Variants in PLPPR1 observed in about 807,000 individuals in gnomAD.
The protein encoded by PLPPR1 is phospholipid phosphatase-related protein type 1.
A neutral mutation model predicts 33.1 loss-of-function variants in PLPPR1; 10 were observed. The ratio of observed to expected loss-of-function variants is 0.30; its 90% CI spans 0.19 to 0.51. The LOEUF (loss-of-function observed/expected upper bound fraction) is 0.51, where lower values mean the gene tolerates loss of function less well. PLPPR1 is among the 20% of genes least tolerant of loss of function. PLPPR1 has a pLI of 0.97. For synonymous variants in PLPPR1, 151 were observed against 151.0 expected, an observed-to-expected ratio of 1.00 and a Z score of 0.00; for missense variants, 304 against 408.1, an observed-to-expected ratio of 0.74 and a Z score of 2.20.
chr9:101,044,124 G>A (rs904791248), intron 1 of PLPPR1, among the ~76,000 whole-genome samples: 1 of 152,074 alleles, frequency 6.6e-6, no homozygotes, highest in Admixed American at 6.5e-5. Context: ...TCCGTCAAAG[G>A]ACTAATATCC....
At chr9:101,080,140 G>A (rs150448190) in intron 1 of PLPPR1, among the ~76,000 whole-genome samples, 4 of 152,090 alleles carry the variant, frequency 2.6e-5, no homozygotes, top group African/African-American at 9.6e-5. Flanking sequence ...TCTATCTGAT[G>A]ATTCGATTTT....
At chr9:101,123,501 GAA>G (rs1287953226) in intron 1 of PLPPR1, among the ~76,000 whole-genome samples, 1 of 152,130 alleles carries the variant, frequency 6.6e-6, no homozygotes, top group Non-Finnish European at 1.5e-5. Context: ...AAAGGATTGA[GAA>G]AAAGACAGTT....
At chr9:101,224,457 A>T (rs947685879) in intron 2 of PLPPR1, among the ~76,000 whole-genome samples, 10 of 152,212 alleles carry the variant, frequency 6.6e-5, no homozygotes, top group African/African-American at 2.4e-4. Flanking sequence ...GCTGTCATTG[A>T]GTCTTTCACA....
At chr9:101,290,464 T>C (rs953453576) in intron 4 of PLPPR1, among the ~76,000 whole-genome samples, 10 of 152,172 alleles carry the variant, frequency 6.6e-5, no homozygotes, top group Non-Finnish European at 1.5e-4. Context: ...CTGTAAAAGA[T>C]GAAAAAACGT....
intron 2 of PLPPR1, among the ~76,000 whole-genome samples, chr9:101,257,353 A>G (rs1209134475): frequency 6.6e-6 from 1 of 152,190 alleles, no homozygotes; most frequent in African/African-American, 2.4e-5. Flanking sequence ...TGTCCCAAAC[A>G]GTTTCATATC....
intron 1 of PLPPR1, among the ~76,000 whole-genome samples, chr9:101,143,284 C>T (rs1831477215): frequency 6.6e-6 from 1 of 152,166 alleles, no homozygotes; most frequent in African/African-American, 2.4e-5. Context: ...AGACTAGAGG[C>T]TGCCTCTTCA....
intron 4 of PLPPR1, among the ~76,000 whole-genome samples, chr9:101,301,017 A>C (rs77006050): frequency 0.045 from 6,818 of 152,314 alleles, 236 homozygotes; most frequent in Non-Finnish European, 0.067. Context: ...TCCTGTTAAG[A>C]AGCAGAGTAA....
intron 6 of PLPPR1, among the ~76,000 whole-genome samples, chr9:101,315,651 C>G (rs1829037916): frequency 6.6e-6 from 1 of 152,042 alleles, no homozygotes; most frequent in Non-Finnish European, 1.5e-5. Context: ...TACGTAAGAC[C>G]CAGATCTGTG....
At chr9:101,135,794 C>T (rs1042267194) in intron 1 of PLPPR1, among the ~76,000 whole-genome samples, 33 of 152,314 alleles carry the variant, frequency 2.2e-4, no homozygotes, top group Non-Finnish European at 3.5e-4. Context: ...TTTGCTGCTA[C>T]ATTCTTGTAC....
chr9:101,168,349 T>G (rs1186996610), intron 1 of PLPPR1, among the ~76,000 whole-genome samples: 5 of 152,102 alleles, frequency 3.3e-5, no homozygotes, highest in African/African-American at 1.2e-4. Context: ...CAAACTTGCC[T>G]AACCCTAATT....
chr9:101,305,542 G>A (rs768875311), intron 4 of PLPPR1, among the ~76,000 whole-genome samples: 17 of 152,136 alleles, frequency 1.1e-4, no homozygotes, highest in Admixed American at 7.2e-4. Flanking sequence ...AAGGAACATG[G>A]TCCTTCCTTT....
At chr9:101,289,715 C>A (rs1828459079) in intron 4 of PLPPR1, among the ~76,000 whole-genome samples, 1 of 152,228 alleles carries the variant, frequency 6.6e-6, no homozygotes, top group Non-Finnish European at 1.5e-5. Context: ...ACTTGCTCCT[C>A]CTTGCCTTCT....
At chr9:101,222,796 T>A (rs1234359109) in intron 2 of PLPPR1, among the ~76,000 whole-genome samples, 1 of 152,084 alleles carries the variant, frequency 6.6e-6, no homozygotes, top group African/African-American at 2.4e-5. Context: ...AAAAATAGAA[T>A]TTGTGTGAGA....
At position 101,246,079 on chromosome 9, in the gene PLPPR1, T is replaced by TAGATAG. The variant is rs1477884700; in HGVS notation, c.64-23800_64-23799insGATAGA. On this transcript the variant is annotated intron_variant, in intron 2 of 7. Transcript: ENST00000374874. Reference sequence around the variant, plus strand: ...GAATATATATATATATATATATATATATATATATATATATATATATATATA... The same window carrying TAGATAG: ...GAATATATATATATATATATATATATAGATAGATATATATATATATATATATATATA... Among the ~76,000 whole-genome samples, 178 of 103,474 alleles carry TAGATAG rather than the reference T, an allele frequency of 1.7e-3. 2 individuals carry two copies. Among genetic ancestry groups the TAGATAG allele is most frequent in the African/African-American group, 5.9e-3 (167 of 28,284 alleles). The allele number at this position is 103,474 out of a possible 152,430, so 67.9% of individuals were successfully genotyped here.
chr9:101,256,839 G>A (rs1186524962), intron 2 of PLPPR1, among the ~76,000 whole-genome samples: 1 of 152,016 alleles, frequency 6.6e-6, no homozygotes, highest in Non-Finnish European at 1.5e-5. Flanking sequence ...TATTTATCCT[G>A]ATAGAAATAA....
At chr9:101,259,900 G>A (rs1196400836) in intron 2 of PLPPR1, among the ~76,000 whole-genome samples, 1 of 152,132 alleles carries the variant, frequency 6.6e-6, no homozygotes, top group African/African-American at 2.4e-5. Context: ...GCAGGGGGAT[G>A]ACTTTGAGTT....
chr9:101,166,151 C>T (rs1032334803), intron 1 of PLPPR1, among the ~76,000 whole-genome samples: 18 of 152,220 alleles, frequency 1.2e-4, no homozygotes, highest in Admixed American at 3.9e-4. Flanking sequence ...CATCACTGCA[C>T]GTCCACATTG....
intron 1 of PLPPR1, among the ~76,000 whole-genome samples, chr9:101,129,307 A>T (rs1831286509): frequency 6.8e-6 from 1 of 147,502 alleles, no homozygotes; most frequent in South Asian, 2.1e-4. Flanking sequence ...AACAGTTGAG[A>T]AACTAAAAAA....
chr9:101,165,250 T>G (rs1178876493), intron 1 of PLPPR1, among the ~76,000 whole-genome samples: 1 of 152,154 alleles, frequency 6.6e-6, no homozygotes, highest in African/African-American at 2.4e-5. Context: ...GAGATGGTGA[T>G]TTTCTCACTC....
Sources: gnomAD v4.1 joint callset for allele counts (sites outside exome capture counted in the v4.1 genomes callset) on GRCh38, gnomAD v4.1.1 for gene constraint, MANE v1.5 for transcripts, NCBI Gene and HGNC (gene_info 2026-07-23, HGNC 2026-07-21) for gene names.